Variants in FKTN observed in about 807,000 individuals in gnomAD.
The protein encoded by FKTN is ribitol-5-phosphate transferase FKTN.
In FKTN, 47 loss-of-function variants were observed where a neutral mutation model predicts 58.6. The ratio of observed to expected loss-of-function variants is 0.80; its 90% CI spans 0.63 to 1.02. The LOEUF is 1.02. FKTN is among the 50% of genes least tolerant of loss of function. The pLI is 0.00. For synonymous variants in FKTN, 178 were observed against 191.9 expected (o/e 0.93, Z 0.60); for missense variants, 516 against 537.3 (o/e 0.96, Z 0.39).
chr9:105,575,257 G>A (rs567763205), intron 3 of FKTN, 120 bp downstream of exon 3: 15 of 704,280 alleles, frequency 2.1e-5, no homozygotes, highest in South Asian at 1.4e-4. Context: ...GCATCTTTGC[G>A]AGGTGTGGCA....
At chr9:105,573,240 AAAAAAAAAATGCTT>A (rs1363682663) in intron 1 of FKTN, among the ~76,000 whole-genome samples, 1 of 149,926 alleles carries the variant, frequency 6.7e-6, no homozygotes, top group Non-Finnish European at 1.5e-5. Flanking sequence ...CTCTGTCTCA[AAAAAAAAAATGCTT>A]AATTGTAGTT....
intron 3 of FKTN, among the ~76,000 whole-genome samples, chr9:105,584,447 G>GT (rs1464480664): frequency 1.3e-5 from 2 of 151,764 alleles, no homozygotes. Flanking sequence ...CTAGATTCTT[G>GT]TTTTTTATGT....
chr9:105,627,887 C>T (rs950978261), intron 10 of FKTN, among the ~76,000 whole-genome samples: 8 of 152,144 alleles, frequency 5.3e-5, no homozygotes, highest in African/African-American at 1.9e-4. Context: ...TAAGTCAGAT[C>T]CTCTTAAGTG....
intron 1 of FKTN, among the ~76,000 whole-genome samples, chr9:105,571,055 G>A (rs1190713346): frequency 6.6e-6 from 1 of 152,110 alleles, no homozygotes; most frequent in Non-Finnish European, 1.5e-5. Flanking sequence ...TATGTAATTT[G>A]AACTATTTGT....
chr9:105,570,953 AT>A (rs1399673062), intron 1 of FKTN, among the ~76,000 whole-genome samples: 1 of 152,208 alleles, frequency 6.6e-6, no homozygotes, highest in Non-Finnish European at 1.5e-5. Flanking sequence ...AGGAATACTC[AT>A]GCAAAAACCA....
At chr9:105,589,245 C>G (rs1244253820) in intron 3 of FKTN, among the ~76,000 whole-genome samples, 2 of 152,136 alleles carry the variant, frequency 1.3e-5, no homozygotes, top group Non-Finnish European at 2.9e-5. Flanking sequence ...TGCTTGTAAT[C>G]CCAGCATTTT....
intron 9 of FKTN, among the ~76,000 whole-genome samples, chr9:105,618,840 C>T (rs551400960): frequency 3.3e-5 from 5 of 152,064 alleles, no homozygotes; most frequent in Non-Finnish European, 5.9e-5. Flanking sequence ...GAGGCCGAGG[C>T]GGGTGGATCA....
intron 6 of FKTN, among the ~76,000 whole-genome samples, chr9:105,605,314 A>G (rs1212848971): frequency 6.6e-6 from 1 of 152,168 alleles, no homozygotes; most frequent in Non-Finnish European, 1.5e-5. Flanking sequence ...TTATTTTAAT[A>G]TAAAGAACAA....
chr9:105,618,627 G>T (rs1001693505), intron 9 of FKTN, among the ~76,000 whole-genome samples: 4 of 152,074 alleles, frequency 2.6e-5, no homozygotes, highest in Non-Finnish European at 4.4e-5. Context: ...AGTTTGCTCA[G>T]ACATCAACTA....
chr9:105,636,817 T>C lies in FKTN; in HGVS notation c.*1553T>C. 1 of 1,220,486 alleles carries C rather than the reference T, an allele frequency of 8.2e-7. No homozygotes were observed. Among genetic ancestry groups the C allele is most frequent in the Non-Finnish European group, 1.1e-6 (1 of 937,192 alleles). 75.6% of individuals were successfully genotyped at this position (1,220,486 alleles called of 1,614,324 possible). A position where few individuals can be genotyped will look rare whatever the true frequency, so the allele number is the denominator to read the frequency against. On this transcript the variant is annotated 3_prime_UTR_variant, in exon 11 of 11. Transcript: ENST00000357998. ...TGAGGGAATGGGCTGGTAGACTTTT[T>C]CGAAAACAAATTAGAGAAAGTAACT...
chr9:105,601,185 A>G lies in FKTN; in HGVS notation c.206A>G (p.Asn69Ser). The G allele has an allele frequency of 6.2e-7, 1 of 1,611,258 alleles. No homozygotes were observed. The highest frequency in any genetic ancestry group is 8.5e-7 in the Non-Finnish European group (1 of 1,177,810). Residue 69 changes from asparagine to serine, a missense_variant, in exon 5 of 11, where the codon AAT becomes AGT. By Grantham distance (46) the Asn-to-Ser change is conservative (BLOSUM62 1). Transcript: ENST00000357998. ...KKFIMLTSNQ[N>S]VPVFLIDPLI... Reference sequence around the variant, plus strand: ...TTTATTATGTTAACATCCAACCAAAATGTACCAGTGTTTCTTATTGATCCT... The same window carrying G: ...TTTATTATGTTAACATCCAACCAAAGTGTACCAGTGTTTCTTATTGATCCT...
rs1376019203 is a variant in FKTN, at chr9:105,601,346, G to T, written c.367G>T (p.Glu123Ter). 2 of 1,589,918 alleles carry T rather than the reference G, an allele frequency of 1.3e-6. No homozygotes were observed. Among genetic ancestry groups the T allele is most frequent in the Admixed American group, 3.3e-5 (2 of 59,998 alleles). The change falls in exon 5 of 11, where the codon GAG becomes TAG. Residue 123 changes from glutamate to a stop codon, truncating the protein, a stop_gained and splice_region_variant. Coordinates refer to ENST00000357998, the MANE Select transcript of FKTN (RefSeq NM_001079802.2). LOFTEE classifies it high-confidence loss of function. Reference protein sequence around the residue: ...FALQYHLWKNEEGWFRIAENM... With the variant: ...FALQYHLWKN ...ACTGCAGTATCACCTATGGAAGAAT[G>T]AGGTAAGTGACTTGCTTTCAGATAA...
chr9:105,561,251 G>A (rs1256325459), intron 1 of FKTN, among the ~76,000 whole-genome samples: 2 of 152,068 alleles, frequency 1.3e-5, no homozygotes, highest in East Asian at 3.9e-4. Flanking sequence ...TCCAGCCTGG[G>A]TGACAGAGCA....
At chr9:105,632,947 T>C (rs1833672785) in intron 10 of FKTN, among the ~76,000 whole-genome samples, 1 of 152,320 alleles carries the variant, frequency 6.6e-6, no homozygotes, top group East Asian at 1.9e-4. Context: ...TGTATTTTAG[T>C]CTTAGTCATT....
At chr9:105,605,066 A>T (rs375133014) in intron 6 of FKTN, among the ~76,000 whole-genome samples, 2 of 152,112 alleles carry the variant, frequency 1.3e-5, no homozygotes, top group East Asian at 3.8e-4. Flanking sequence ...CACATTGTGG[A>T]TGAATCCTAC....
chr9:105,605,217 AG>A (rs1166109133), intron 6 of FKTN, among the ~76,000 whole-genome samples: 1 of 152,148 alleles, frequency 6.6e-6, no homozygotes, highest in Non-Finnish European at 1.5e-5. Context: ...AAAAAGTTTA[AG>A]TGAACTATCC....
At chr9:105,567,438 A>C (rs1271470994) in intron 1 of FKTN, among the ~76,000 whole-genome samples, 7 of 152,356 alleles carry the variant, frequency 4.6e-5, no homozygotes, top group South Asian at 2.1e-4. Flanking sequence ...CTGATAAGCA[A>C]CTTCAGCAAA....
At chr9:105,566,336 C>A (rs1238135932) in intron 1 of FKTN, among the ~76,000 whole-genome samples, 5 of 152,082 alleles carry the variant, frequency 3.3e-5, no homozygotes, top group African/African-American at 4.8e-5. Context: ...ACAAAAAACC[C>A]TTCAAAAAAT....
chr9:105,599,740 G>C (rs944054867), intron 4 of FKTN, among the ~76,000 whole-genome samples: 1 of 152,102 alleles, frequency 6.6e-6, no homozygotes. Context: ...CTGACCTCAG[G>C]TGATCCACCT....
Sources: allele counts gnomAD v4.1 joint callset (sites outside exome capture counted in the v4.1 genomes callset), GRCh38; gene constraint gnomAD v4.1.1; transcripts MANE v1.5; gene names NCBI Gene and HGNC (gene_info 2026-07-23, HGNC 2026-07-21).